PRMT8: variants seen among roughly 807,000 people sequenced by gnomAD.
PRMT8 encodes the protein protein arginine methyltransferase 8.
A neutral mutation model predicts 47.1 loss-of-function variants in PRMT8; 7 were observed. The ratio of observed to expected loss-of-function variants is 0.15; its 90% CI spans 0.08 to 0.28. The LOEUF (loss-of-function observed/expected upper bound fraction) is 0.28, where lower values mean the gene tolerates loss of function less well. Ranked by LOEUF, PRMT8 falls within the 10% of genes least tolerant of loss-of-function variation. The pLI is 1.00. For synonymous variants in PRMT8, 188 were observed against 186.5 expected, an observed-to-expected ratio of 1.01 and a Z score of -0.07; for missense variants, 237 against 505.4, an observed-to-expected ratio of 0.47 and a Z score of 5.09.
At chr12:3,475,748 G>A (rs1591561594) in intron 1 of PRMT8, among the ~76,000 whole-genome samples, 1 of 151,902 alleles carries the variant, frequency 6.6e-6, no homozygotes, top group Non-Finnish European at 1.5e-5. Context: ...GTGGGGTGTG[G>A]AGGGGGAGGG....
At chr12:3,467,089 A>C (rs1865104980) in intron 1 of PRMT8, among the ~76,000 whole-genome samples, 1 of 151,832 alleles carries the variant, frequency 6.6e-6, no homozygotes, top group African/African-American at 2.4e-5. Context: ...AATACAAAAA[A>C]ATTAACCGGG....
chr12:3,554,396 C>T (rs1866488000), intron 4 of PRMT8, among the ~76,000 whole-genome samples: 1 of 152,240 alleles, frequency 6.6e-6, no homozygotes, highest in Admixed American at 6.5e-5. Flanking sequence ...GTCCCGAGCC[C>T]TGTGCTCAGT....
intron 1 of PRMT8, among the ~76,000 whole-genome samples, chr12:3,444,059 C>T (rs1864832350): frequency 1.3e-5 from 2 of 152,192 alleles, no homozygotes; most frequent in South Asian, 4.1e-4. Flanking sequence ...TGTACAACAC[C>T]ATCTAAAAGT....
chr12:3,585,532 AT>A (rs5796061), intron 8 of PRMT8, among the ~76,000 whole-genome samples: 81 of 140,356 alleles, frequency 5.8e-4, no homozygotes, highest in Middle Eastern at 3.6e-3. Flanking sequence ...ATACTTTTTA[AT>A]TTTTTTTTTT....
chr12:3,474,527 T>G (rs531034458), intron 1 of PRMT8, among the ~76,000 whole-genome samples: 3 of 152,204 alleles, frequency 2.0e-5, no homozygotes, highest in Admixed American at 2.0e-4. Flanking sequence ...CTGAGGGGCT[T>G]GTCCTCCCCA....
In PRMT8 at chr12:3,593,086, C is replaced by T. The variant is rs530426082; in HGVS notation, c.1102-13C>T. 3 of 1,613,202 alleles carry T rather than the reference C, an allele frequency of 1.9e-6. No individual in the cohort carries two copies. The highest frequency in any genetic ancestry group is 2.2e-5 in the South Asian group (2 of 91,000). On this transcript the variant is annotated splice_polypyrimidine_tract_variant and intron_variant, in intron 9 of 9. Coordinates refer to ENST00000382622, the MANE Select transcript of PRMT8 (RefSeq NM_019854.5). The surrounding 1 kb of genome is among the most constrained non-coding windows in gnomAD (Gnocchi z 4.8). The stretch of plus-strand genomic sequence containing the variant: ...ACGGCCGCCTGACCCTTCGCTCTCT[C>T]TCTGCCTTGCAGCGAGACCTCGATT...
At chr12:3,513,146 GAT>G (rs1418942295) in intron 1 of PRMT8, among the ~76,000 whole-genome samples, 1 of 152,226 alleles carries the variant, frequency 6.6e-6, no homozygotes, top group Non-Finnish European at 1.5e-5. Context: ...CAAAGATAGA[GAT>G]AGAGTGAAGC....
chr12:3,581,394 A>G (rs1867063036), intron 7 of PRMT8, among the ~76,000 whole-genome samples: 1 of 152,072 alleles, frequency 6.6e-6, no homozygotes, highest in South Asian at 2.1e-4. Context: ...TTGAAGAAGG[A>G]CCTAATGACT....
intron 1 of PRMT8, among the ~76,000 whole-genome samples, chr12:3,451,033 A>ACCCCCCCCCCCCC (rs71061115): frequency 7.7e-5 from 2 of 26,118 alleles, no homozygotes; most frequent in Non-Finnish European, 6.6e-5. Flanking sequence ...TCTTGCTGAC[A>ACCCCCCCCCCCCC]CCCCCCCCCC....
At chr12:3,478,272 C>A (rs970959972) in intron 1 of PRMT8, among the ~76,000 whole-genome samples, 3 of 129,582 alleles carry the variant, frequency 2.3e-5, no homozygotes, top group Non-Finnish European at 5.1e-5. Context: ...ATCTATCTAT[C>A]TATCTATCTA....
At chr12:3,394,607 T>C (rs1356854947) in intron 1 of PRMT8, among the ~76,000 whole-genome samples, 2 of 152,214 alleles carry the variant, frequency 1.3e-5, no homozygotes, top group Non-Finnish European at 2.9e-5. Context: ...GCTGGATTCA[T>C]TCTGCCAGTA....
Position 3,478,285 on chromosome 12 carries a change from T to TATC in PRMT8, c.49-62320_49-62318dup, listed in dbSNP as rs1865236758. Among the ~76,000 whole-genome samples, 3 of 143,000 alleles carry TATC rather than the reference T, an allele frequency of 2.1e-5. No individual in the cohort carries two copies. The South Asian group carries it at 6.9e-4, about 33-fold the overall frequency. The allele number at this position is 143,000 out of a possible 152,430, so 93.8% of individuals were successfully genotyped here. On this transcript the variant is annotated intron_variant, in intron 1 of 9. Coordinates refer to the PRMT8 transcript ENST00000452611. The stretch of plus-strand genomic sequence containing the variant: ...TCATCTATCTATCTATCTATCTATC[T>TATC]ATCTATCTATCTATCTATCTATCTA...
At chr12:3,405,880 G>T (rs539314746) in intron 1 of PRMT8, among the ~76,000 whole-genome samples, 1 of 152,314 alleles carries the variant, frequency 6.6e-6, no homozygotes, top group Non-Finnish European at 1.5e-5. Context: ...TCTGAGATCT[G>T]GAAGACACTG....
At chr12:3,554,553 G>GAGGCCGCCTGC (rs1369411819) in intron 4 of PRMT8, among the ~76,000 whole-genome samples, 1 of 152,234 alleles carries the variant, frequency 6.6e-6, no homozygotes, top group Non-Finnish European at 1.5e-5. Flanking sequence ...CAGTGAGACA[G>GAGGCCGCCTGC]AGGCCGCCTG....
chr12:3,414,629 C>T (rs903145740), intron 1 of PRMT8, among the ~76,000 whole-genome samples: 4 of 152,036 alleles, frequency 2.6e-5, no homozygotes, highest in African/African-American at 4.8e-5. Flanking sequence ...GGTTCTTGTC[C>T]GGCATCCAGA....
At chr12:3,527,881 C>T (rs1020440503) in intron 1 of PRMT8, among the ~76,000 whole-genome samples, 9 of 151,568 alleles carry the variant, frequency 5.9e-5, no homozygotes, top group South Asian at 4.2e-4. Context: ...TTTACTTTAC[C>T]GTCATTTCTG....
chr12:3,531,850 G>GC (rs2137154282), intron 1 of PRMT8, among the ~76,000 whole-genome samples: 1 of 152,302 alleles, frequency 6.6e-6, no homozygotes, highest in African/African-American at 2.4e-5. Context: ...GATGTCCTTG[G>GC]CCCGGCTCTG....
chr12:3,491,255 C>T lies in PRMT8; in HGVS notation c.-371C>T. 1 of 1,027,630 alleles carries T rather than the reference C, an allele frequency of 9.7e-7. No individual in the cohort carries two copies. Among genetic ancestry groups the T allele is most frequent in the Admixed American group, 5.4e-5 (1 of 18,640 alleles). The allele number at this position is 1,027,630 out of a possible 1,614,324, so 63.7% of individuals were successfully genotyped here. On this transcript the variant is annotated 5_prime_UTR_variant, in exon 1 of 10. Coordinates refer to ENST00000382622, the MANE Select transcript of PRMT8 (RefSeq NM_019854.5). ...GAGAGGAGTTGGCGGCTGCCTCCGG[C>T]CGGCCGGACTTTGCGAGCAGCCTGG...
rs754849344 is a variant in PRMT8 at position 3,409,094 on chromosome 12, C to T, written c.48+27652C>T. 4.1e-4 allele frequency among the ~76,000 whole-genome samples: 63 copies of T among 152,220 alleles called. No homozygotes were observed. The highest frequency in any genetic ancestry group is 7.2e-4 in the Non-Finnish European group (49 of 68,016). The stretch of plus-strand genomic sequence containing the variant: ...CCCAAGTCCTGGGCCCAGGCTCTCA[C>T]AAACCTACTGTGGCACCTGGGACTT... On this transcript the variant is annotated intron_variant, in intron 1 of 9. Transcript: ENST00000452611. The surrounding 1 kb of genome is among the most constrained non-coding windows in gnomAD (Gnocchi z 4.4).
Sources: allele counts gnomAD v4.1 joint callset (sites outside exome capture counted in the v4.1 genomes callset), GRCh38; gene constraint gnomAD v4.1.1; non-coding constraint Gnocchi (gnomAD v3.1); transcripts MANE v1.5; gene names NCBI Gene and HGNC (gene_info 2026-07-23, HGNC 2026-07-21).